Variants in ODAD2 observed in about 807,000 individuals in gnomAD.
ODAD2 encodes the protein outer dynein arm docking complex subunit 2.
A neutral mutation model predicts 106.8 loss-of-function variants in ODAD2; 89 were observed. The ratio of observed to expected loss-of-function variants is 0.83; its 90% CI spans 0.70 to 0.99. ODAD2 has a LOEUF of 0.99. Ranked by LOEUF, ODAD2 falls within the 50% of genes least tolerant of loss-of-function variation. The pLI, the probability that ODAD2 is intolerant of heterozygous loss-of-function variation, is 0.00. For missense variants in ODAD2, 1,168 were observed against 1,238.5 expected, an observed-to-expected ratio of 0.94 and a Z score of 0.85; for synonymous variants, 404 against 436.2, an observed-to-expected ratio of 0.93 and a Z score of 0.92.
intron 10 of ODAD2, among the ~76,000 whole-genome samples, chr10:27,955,292 T>C (rs955650911): frequency 2.4e-4 from 36 of 152,188 alleles, no homozygotes; most frequent in African/African-American, 8.4e-4. Context: ...CTTCCAAACA[T>C]GAATACTGAG....
intron 16 of ODAD2, among the ~76,000 whole-genome samples, chr10:27,911,296 A>T (rs1324871415): frequency 6.6e-6 from 1 of 152,152 alleles, no homozygotes; most frequent in Non-Finnish European, 1.5e-5. Context: ...AGCAGAAAAC[A>T]TATGCACCAG....
intron 19 of ODAD2, among the ~76,000 whole-genome samples, chr10:27,822,642 G>A (rs1259299980): frequency 6.6e-6 from 1 of 152,166 alleles, no homozygotes; most frequent in Non-Finnish European, 1.5e-5. Flanking sequence ...CTGAGCCTCG[G>A]TAATTCATTT....
intron 19 of ODAD2, among the ~76,000 whole-genome samples, chr10:27,831,517 A>G (rs1043354957): frequency 1.3e-5 from 2 of 152,210 alleles, no homozygotes; most frequent in African/African-American, 2.4e-5. Context: ...AAATTTTATT[A>G]TTAACGTTCC....
chr10:27,919,767 A>G (rs559198850), intron 16 of ODAD2, among the ~76,000 whole-genome samples: 6 of 152,266 alleles, frequency 3.9e-5, no homozygotes, highest in South Asian at 2.1e-4. Flanking sequence ...AGAAATTCCA[A>G]TGCAAGGATA....
intron 10 of ODAD2, among the ~76,000 whole-genome samples, chr10:27,954,178 T>C (rs1338911558): frequency 3.3e-5 from 5 of 152,254 alleles, no homozygotes; most frequent in African/African-American, 9.6e-5. Flanking sequence ...AGGCCATGAG[T>C]GTGTGTTTTT....
In ODAD2 at chr10:27,944,959, C is replaced by A; in HGVS notation, c.1390G>T (p.Gly464Ter). The change falls in exon 11 of 20, where the codon GGA becomes TGA. Residue 464 changes from glycine (G) to a stop codon, truncating the protein, a stop_gained. Transcript: ENST00000305242. LOFTEE classifies it high-confidence loss of function. ...IQKLVKYLKG[G>*]NQTATVIALC... ...GCAATCACTGTAGCTGTTTGATTTC[C>A]TCCCTACAAAGATGCAATGCCAGAG... 6.2e-7 allele frequency: 1 copy of A among 1,614,020 alleles called. No homozygotes were observed. Among genetic ancestry groups the A allele is most frequent in the Non-Finnish European group, 8.5e-7 (1 of 1,179,918 alleles).
At chr10:27,910,957 C>T (rs1400896556) in intron 16 of ODAD2, among the ~76,000 whole-genome samples, 4 of 152,128 alleles carry the variant, frequency 2.6e-5, no homozygotes, top group Non-Finnish European at 4.4e-5. Context: ...CGTTGTTTCA[C>T]GTGTATTTCT....
intron 19 of ODAD2, among the ~76,000 whole-genome samples, chr10:27,848,262 A>C (rs897845942): frequency 6.6e-6 from 1 of 152,210 alleles, no homozygotes; most frequent in Non-Finnish European, 1.5e-5. Context: ...CTCAGAAATA[A>C]TACTACACAT....
At position 27,827,379 on chromosome 10, in the gene ODAD2, CTATATATATATATA is replaced by C. The variant is rs10580710; in HGVS notation, c.3022-14768_3022-14755del. ...AGACACACACATACACACACACACACTATATATATATATATATATATATATATATATATTCCATG... is the reference window on the plus strand; with the variant it reads ...AGACACACACATACACACACACACACTATATATATATATATATATTCCATG... On this transcript the variant is annotated intron_variant, in intron 19 of 19. Coordinates refer to ENST00000305242, the MANE Select transcript of ODAD2 (RefSeq NM_018076.5). Among the ~76,000 whole-genome samples the C allele has an allele frequency of 1.6e-4, 21 of 132,470 alleles. 1 individual carries two copies. The South Asian group carries it at 2.5e-3, about 16-fold the overall frequency. The allele number at this position is 132,470 out of a possible 152,430, so 86.9% of individuals were successfully genotyped here. A position where few individuals can be genotyped will look rare whatever the true frequency, so the allele number is the denominator to read the frequency against.
intron 9 of ODAD2, among the ~76,000 whole-genome samples, chr10:27,963,470 C>T (rs1380269514): frequency 4.6e-5 from 7 of 152,078 alleles, no homozygotes; most frequent in Non-Finnish European, 1.0e-4. Context: ...ATGACTTTTG[C>T]CAATCACATA....
At chr10:27,842,221 C>T (rs1294748370) in intron 19 of ODAD2, among the ~76,000 whole-genome samples, 1 of 152,166 alleles carries the variant, frequency 6.6e-6, no homozygotes, top group African/African-American at 2.4e-5. Flanking sequence ...TGACCCGTCT[C>T]TTCTTAAATG....
At chr10:27,924,683 A>G (rs1845132382) in intron 16 of ODAD2, among the ~76,000 whole-genome samples, 1 of 149,496 alleles carries the variant, frequency 6.7e-6, no homozygotes, top group Non-Finnish European at 1.5e-5. Context: ...AATGACAAGG[A>G]AAAAATAACC....
At chr10:27,827,712 C>T (rs1837178286) in intron 19 of ODAD2, among the ~76,000 whole-genome samples, 1 of 152,088 alleles carries the variant, frequency 6.6e-6, no homozygotes, top group Admixed American at 6.5e-5. Context: ...ACTCATCTTC[C>T]AGCCCCGTTC....
intron 10 of ODAD2, among the ~76,000 whole-genome samples, chr10:27,954,750 C>T (rs1197535717): frequency 5.3e-5 from 8 of 152,214 alleles, no homozygotes; most frequent in Non-Finnish European, 8.8e-5. Flanking sequence ...AATACAGATT[C>T]CCCTTTGGGA....
intron 19 of ODAD2, among the ~76,000 whole-genome samples, chr10:27,815,409 C>A (rs1836051063): frequency 6.6e-6 from 1 of 152,200 alleles, no homozygotes; most frequent in Admixed American, 6.5e-5. Context: ...GTCTGGAATT[C>A]CTATCTCCAG....
intron 8 of ODAD2, 42 bp from the exon 9 acceptor site, chr10:27,969,060 G>A (rs1320383669): frequency 3.4e-6 from 2 of 591,116 alleles, no homozygotes; most frequent in Admixed American, 6.0e-5. Flanking sequence ...ATTGCTTTAT[G>A]CTAATTAATA....
intron 19 of ODAD2, among the ~76,000 whole-genome samples, chr10:27,830,942 T>C (rs551177951): frequency 6.6e-6 from 1 of 152,340 alleles, no homozygotes; most frequent in African/African-American, 2.4e-5. Context: ...TTTGGATAAG[T>C]TTGGCAGGTG....
At chr10:27,974,391 A>G (rs979733716) in intron 7 of ODAD2, among the ~76,000 whole-genome samples, 1 of 152,096 alleles carries the variant, frequency 6.6e-6, no homozygotes, top group Non-Finnish European at 1.5e-5. Context: ...ATCCCGCTTG[A>G]GTTGATTTTT....
At chr10:27,919,174 G>C (rs1038035876) in intron 16 of ODAD2, among the ~76,000 whole-genome samples, 2 of 151,912 alleles carry the variant, frequency 1.3e-5, no homozygotes, top group Non-Finnish European at 2.9e-5. Flanking sequence ...TTTCAACTGA[G>C]ATACCAAGTT....
Sources: gnomAD v4.1 joint callset for allele counts (sites outside exome capture counted in the v4.1 genomes callset) on GRCh38, gnomAD v4.1.1 for gene constraint, MANE v1.5 for transcripts, NCBI Gene and HGNC (gene_info 2026-07-23, HGNC 2026-07-21) for gene names.